The following KCNIP4 variants were observed in gnomAD, a reference collection of about 807,000 sequenced individuals.
KCNIP4 encodes the protein Kv channel-interacting protein 4.
KCNIP4 carries 12 observed loss-of-function variants against 34.0 expected under a neutral mutation model. The observed-to-expected ratio is 0.35, with a 90% CI of 0.23 to 0.57. The LOEUF (loss-of-function observed/expected upper bound fraction) is 0.57. Ranked by LOEUF, KCNIP4 falls within the 20% of genes least tolerant of loss-of-function variation. The probability of loss-of-function intolerance (pLI) is 0.83; values close to 1 mark genes in which losing one functional copy is unlikely to be tolerated. For missense variants in KCNIP4, 238 were observed against 311.7 expected, an observed-to-expected ratio of 0.76 and a Z score of 1.78; for synonymous variants, 124 against 102.2, an observed-to-expected ratio of 1.21 and a Z score of -1.29.
chr4:21,343,273 T>C lies in KCNIP4; in HGVS notation c.62-460564A>G, dbSNP rs375179296. On this transcript the variant is annotated intron_variant, in intron 1 of 8. Transcript: ENST00000382152. ...GTTAGATAGTAAATGAGGTCACAAA[T>C]GCACTGAAAGTGGAACTATTGGAAA... is the stretch of plus-strand genomic sequence containing the variant. 6.6e-5 allele frequency among the ~76,000 whole-genome samples: 10 copies of C among 151,766 alleles called. No homozygotes were observed. In the East Asian group the frequency reaches 1.7e-3, roughly 26 times the overall value.
intron 1 of KCNIP4, among the ~76,000 whole-genome samples, chr4:21,886,935 T>C (rs1056663955): frequency 1.3e-5 from 2 of 152,098 alleles, no homozygotes; most frequent in African/African-American, 4.8e-5. Context: ...TGAAGACCAC[T>C]GAAAAAACTG....
chr4:21,497,042 T>C (rs1305950420), intron 1 of KCNIP4, among the ~76,000 whole-genome samples: 3 of 152,164 alleles, frequency 2.0e-5, no homozygotes, highest in African/African-American at 7.2e-5. Context: ...GTAGATTAGT[T>C]GGATTTCAAT....
intron 1 of KCNIP4, among the ~76,000 whole-genome samples, chr4:21,801,915 A>G (rs1297481840): frequency 6.6e-6 from 1 of 152,014 alleles, no homozygotes; most frequent in African/African-American, 2.4e-5. Flanking sequence ...AGAAAAAAAA[A>G]TAGTAGGAAA....
At chr4:21,122,483 G>T (rs1050698392) in intron 1 of KCNIP4, among the ~76,000 whole-genome samples, 3 of 145,322 alleles carry the variant, frequency 2.1e-5, no homozygotes, top group Non-Finnish European at 3.0e-5. Context: ...TTTTAAGTGC[G>T]TATACATTTT....
chr4:21,551,919 A>G (rs1738614608), intron 1 of KCNIP4, among the ~76,000 whole-genome samples: 1 of 151,976 alleles, frequency 6.6e-6, no homozygotes, highest in Non-Finnish European at 1.5e-5. Flanking sequence ...AAATATTCAA[A>G]TACTCCAAGC....
chr4:21,451,629 A>G (rs1465063765), intron 1 of KCNIP4, among the ~76,000 whole-genome samples: 1 of 152,174 alleles, frequency 6.6e-6, no homozygotes, highest in African/African-American at 2.4e-5. Flanking sequence ...TAGATAACCA[A>G]AAAATTGATT....
At chr4:21,674,991 A>C (rs190588472) in intron 1 of KCNIP4, among the ~76,000 whole-genome samples, 50 of 152,240 alleles carry the variant, frequency 3.3e-4, no homozygotes, top group African/African-American at 1.2e-3. Context: ...TTTTGTCTGC[A>C]CTCCTATGCT....
intron 1 of KCNIP4, among the ~76,000 whole-genome samples, chr4:21,669,456 T>C (rs1749294236): frequency 6.6e-6 from 1 of 152,210 alleles, no homozygotes; most frequent in Admixed American, 6.5e-5. Flanking sequence ...GAATACAACA[T>C]ACAATACATG....
intron 1 of KCNIP4, among the ~76,000 whole-genome samples, chr4:21,789,070 CA>C (rs35630701): frequency 0.031 from 2,873 of 93,796 alleles, 101 homozygotes; most frequent in African/African-American, 0.1. Context: ...GAGATTCTGT[CA>C]AAAAAAAAAA....
intron 1 of KCNIP4, among the ~76,000 whole-genome samples, chr4:21,178,451 T>C (rs1754594438): frequency 6.6e-6 from 1 of 152,116 alleles, no homozygotes; most frequent in South Asian, 2.1e-4. Context: ...GTTACTGGGG[T>C]TCACATGAAG....
intron 1 of KCNIP4, among the ~76,000 whole-genome samples, chr4:21,589,124 T>G (rs1283073800): frequency 7.4e-6 from 1 of 135,430 alleles, no homozygotes; most frequent in African/African-American, 2.7e-5. Flanking sequence ...TATCCTGGAC[T>G]CAGTGCTGTA....
At chr4:20,945,334 A>G (rs1043297947) in intron 1 of KCNIP4, among the ~76,000 whole-genome samples, 1 of 152,142 alleles carries the variant, frequency 6.6e-6, no homozygotes, top group Non-Finnish European at 1.5e-5. Flanking sequence ...AGAACATCCC[A>G]CAGCAGGGTC....
intron 1 of KCNIP4, among the ~76,000 whole-genome samples, chr4:21,575,793 A>G (rs1740705883): frequency 6.6e-6 from 1 of 152,198 alleles, no homozygotes; most frequent in Non-Finnish European, 1.5e-5. Flanking sequence ...GATAGTATGA[A>G]AAGTATCACA....
chr4:20,785,839 A>C (rs1711910873), intron 3 of KCNIP4, among the ~76,000 whole-genome samples: 1 of 151,834 alleles, frequency 6.6e-6, no homozygotes, highest in Admixed American at 6.6e-5. Context: ...AAGGATCTCC[A>C]TTTCTTGGTG....
At chr4:21,376,867 T>A (rs1721009109) in intron 1 of KCNIP4, among the ~76,000 whole-genome samples, 1 of 152,146 alleles carries the variant, frequency 6.6e-6, no homozygotes, top group Non-Finnish European at 1.5e-5. Context: ...AATCAGTTAA[T>A]AAATGCATAT....
At position 21,395,232 on chromosome 4, in the gene KCNIP4, C is replaced by T. The variant is rs191765790; in HGVS notation, c.62-512523G>A. Among the ~76,000 whole-genome samples the T allele has an allele frequency of 7.6e-3, 1,158 of 152,190 alleles. 16 individuals are homozygous for T. The highest frequency in any genetic ancestry group is 8.9e-3 in the Non-Finnish European group (607 of 68,010). On this transcript the variant is annotated intron_variant, in intron 1 of 8. Transcript: ENST00000382152. ...AATCCCTTTAGGGCAGGTCTACTCC[C>T]AGAAGAGAAACCAAGGGTAAACTAC...
intron 1 of KCNIP4, among the ~76,000 whole-genome samples, chr4:21,614,806 G>A (rs1356214291): frequency 6.6e-6 from 1 of 152,014 alleles, no homozygotes; most frequent in Non-Finnish European, 1.5e-5. Flanking sequence ...TCCGTTTTAG[G>A]ACACCTATGG....
intron 1 of KCNIP4, among the ~76,000 whole-genome samples, chr4:21,284,871 C>T (rs993610): frequency 0.33 from 50,078 of 151,642 alleles, 8,842 homozygotes; most frequent in South Asian, 0.53. Context: ...ACACACCCAC[C>T]GGGAGAAGGG....
chr4:21,341,395 C>A (rs1162139007), intron 1 of KCNIP4, among the ~76,000 whole-genome samples: 2 of 152,124 alleles, frequency 1.3e-5, no homozygotes, highest in Non-Finnish European at 2.9e-5. Flanking sequence ...TAAGGTGATA[C>A]CATCTCCACA....
Sources: allele counts gnomAD v4.1 joint callset (sites outside exome capture counted in the v4.1 genomes callset), GRCh38; gene constraint gnomAD v4.1.1; transcripts MANE v1.5; gene names NCBI Gene and HGNC (gene_info 2026-07-23, HGNC 2026-07-21).